Variants in CNTNAP2 observed in about 807,000 individuals in gnomAD.
CNTNAP2 encodes contactin associated protein 2, also known as contactin-associated protein-like 2.
A neutral mutation model predicts 155.2 loss-of-function variants in CNTNAP2; 98 were observed. That is an observed-to-expected ratio of 0.63 (90% CI 0.54 to 0.75). The LOEUF (loss-of-function observed/expected upper bound fraction) is 0.75. Among genes scored for constraint, CNTNAP2 ranks in the 30% least tolerant of loss-of-function variants. The pLI, the probability that CNTNAP2 is intolerant of heterozygous loss-of-function variation, is 0.00. For synonymous variants in CNTNAP2, 651 were observed against 631.2 expected, an observed-to-expected ratio of 1.03 and a Z score of -0.47; for missense variants, 1,727 against 1,688.1, an observed-to-expected ratio of 1.02 and a Z score of -0.40.
intron 1 of CNTNAP2, among the ~76,000 whole-genome samples, chr7:146,157,693 G>A (rs376914407): frequency 3.3e-5 from 5 of 152,208 alleles, no homozygotes; most frequent in African/African-American, 4.8e-5. Context: ...GGGGAGGGGC[G>A]TCTGCCACTG....
At chr7:147,568,484 G>C (rs544070655) in intron 12 of CNTNAP2, among the ~76,000 whole-genome samples, 10 of 152,140 alleles carry the variant, frequency 6.6e-5, no homozygotes, top group Non-Finnish European at 1.5e-4. Context: ...GAGGAGAGAA[G>C]ATTTTTCACA....
At chr7:147,708,874 C>T (rs1168105469) in intron 13 of CNTNAP2, among the ~76,000 whole-genome samples, 6 of 152,284 alleles carry the variant, frequency 3.9e-5, no homozygotes, top group African/African-American at 9.6e-5. Context: ...GTAAGAGACA[C>T]GTAGCAGATG....
At chr7:148,276,073 G>T (rs1184149321) in intron 21 of CNTNAP2, among the ~76,000 whole-genome samples, 1 of 152,156 alleles carries the variant, frequency 6.6e-6, no homozygotes, top group Non-Finnish European at 1.5e-5. Flanking sequence ...GGCTTTACCA[G>T]CAGGGCCACA....
At chr7:146,862,917 C>T (rs1372287203) in intron 3 of CNTNAP2, among the ~76,000 whole-genome samples, 1 of 152,128 alleles carries the variant, frequency 6.6e-6, no homozygotes, top group Non-Finnish European at 1.5e-5. Flanking sequence ...CAGTAATAAA[C>T]CAGTGTTATA....
At chr7:147,917,485 C>T (rs995666435) in intron 14 of CNTNAP2, among the ~76,000 whole-genome samples, 2 of 152,160 alleles carry the variant, frequency 1.3e-5, no homozygotes, top group African/African-American at 4.8e-5. Context: ...TCTAGAGCTC[C>T]AGCCATTATG....
intron 8 of CNTNAP2, among the ~76,000 whole-genome samples, chr7:147,190,814 C>T (rs1298036196): frequency 2.0e-5 from 3 of 152,142 alleles, no homozygotes; most frequent in Admixed American, 6.5e-5. Context: ...CTCACTGTAA[C>T]ATTATACTTA....
intron 3 of CNTNAP2, among the ~76,000 whole-genome samples, chr7:146,877,087 G>A (rs1795444233): frequency 6.6e-6 from 1 of 152,070 alleles, no homozygotes; most frequent in Non-Finnish European, 1.5e-5. Context: ...TTCTCATTAT[G>A]TGCTTTGTAT....
chr7:147,881,039 A>G (rs1412990129), intron 13 of CNTNAP2, among the ~76,000 whole-genome samples: 1 of 152,180 alleles, frequency 6.6e-6, no homozygotes, highest in Non-Finnish European at 1.5e-5. Flanking sequence ...GGTAGGAGGA[A>G]AAACTGCTGT....
chr7:146,772,109 A>C (rs1437352789), intron 1 of CNTNAP2, among the ~76,000 whole-genome samples: 2 of 152,110 alleles, frequency 1.3e-5, no homozygotes, highest in Non-Finnish European at 1.5e-5. Context: ...CTAAAACTTC[A>C]TTTCAGATAG....
intron 13 of CNTNAP2, among the ~76,000 whole-genome samples, chr7:147,742,131 C>A (rs573320282): frequency 2.0e-5 from 3 of 152,094 alleles, no homozygotes; most frequent in Non-Finnish European, 4.4e-5. Flanking sequence ...GGCCTGCCCC[C>A]CTGATTCAAT....
At chr7:148,292,370 C>G (rs1385797757) in intron 21 of CNTNAP2, among the ~76,000 whole-genome samples, 2 of 152,122 alleles carry the variant, frequency 1.3e-5, no homozygotes, top group African/African-American at 2.4e-5. Flanking sequence ...GTAGAAAATA[C>G]CAATTTCTGC....
intron 12 of CNTNAP2, among the ~76,000 whole-genome samples, chr7:147,603,545 C>T (rs1201410568): frequency 6.6e-6 from 1 of 152,140 alleles, no homozygotes; most frequent in Non-Finnish European, 1.5e-5. Flanking sequence ...AGGAGAACTA[C>T]AAACCACTGC....
chr7:147,583,357 C>T (rs1337828914), intron 12 of CNTNAP2, among the ~76,000 whole-genome samples: 1 of 151,802 alleles, frequency 6.6e-6, no homozygotes, highest in Non-Finnish European at 1.5e-5. Flanking sequence ...CTACTTCAGT[C>T]TGCTGGATAA....
At chr7:147,350,907 A>G (rs1795956913) in intron 9 of CNTNAP2, among the ~76,000 whole-genome samples, 1 of 151,836 alleles carries the variant, frequency 6.6e-6, no homozygotes, top group African/African-American at 2.4e-5. Flanking sequence ...AATACCTATA[A>G]GTCCTTTTAA....
At chr7:147,312,077 AAGTT>A (rs1795137588) in intron 9 of CNTNAP2, among the ~76,000 whole-genome samples, 1 of 152,034 alleles carries the variant, frequency 6.6e-6, no homozygotes, top group Non-Finnish European at 1.5e-5. Flanking sequence ...ATTTTAAAAT[AAGTT>A]AGTTTTTCTA....
chr7:147,186,630 C>T (rs1802572879), intron 8 of CNTNAP2, among the ~76,000 whole-genome samples: 1 of 152,100 alleles, frequency 6.6e-6, no homozygotes, highest in Non-Finnish European at 1.5e-5. Flanking sequence ...GTAAAAAGTA[C>T]ACACTGGAGA....
chr7:147,570,674 G>T (rs1800270990), intron 12 of CNTNAP2, among the ~76,000 whole-genome samples: 1 of 152,160 alleles, frequency 6.6e-6, no homozygotes, highest in African/African-American at 2.4e-5. Flanking sequence ...CTCACAAGGT[G>T]GGTAATACTA....
intron 10 of CNTNAP2, among the ~76,000 whole-genome samples, chr7:147,466,184 G>C (rs531504013): frequency 3.1e-4 from 47 of 152,290 alleles, no homozygotes; most frequent in African/African-American, 1.1e-3. Flanking sequence ...AGGAAAAAAG[G>C]GCCTGATCTA....
intron 1 of CNTNAP2, 96 bp downstream of exon 1, chr7:146,117,069 G>T: frequency 9.6e-7 from 1 of 1,040,630 alleles, no homozygotes; most frequent in East Asian, 2.6e-5. Context: ...TCGCAGTGCT[G>T]GCACCCTGAT....
Sources: gnomAD v4.1 joint callset for allele counts (sites outside exome capture counted in the v4.1 genomes callset) on GRCh38, gnomAD v4.1.1 for gene constraint, MANE v1.5 for transcripts, NCBI Gene and HGNC (gene_info 2026-07-23, HGNC 2026-07-21) for gene names.